Variants in FKBP6 observed in about 807,000 individuals in gnomAD.
The protein encoded by FKBP6 is FKBP prolyl isomerase family member 6 (inactive).
Under a neutral mutation model 41.7 loss-of-function variants are expected in FKBP6, and 29 were observed. The ratio of observed to expected loss-of-function variants is 0.70; its 90% confidence interval spans 0.52 to 0.95. The LOEUF (loss-of-function observed/expected upper bound fraction) is 0.95. Among genes scored for constraint, FKBP6 ranks in the 40% least tolerant of loss-of-function variants. The pLI is 0.00. For missense variants in FKBP6, 338 were observed against 408.7 expected (o/e 0.83, Z 1.49); for synonymous variants, 130 against 165.1 (o/e 0.79, Z 1.63).
At chr7:73,345,222 G>GA (rs1156457847) in intron 8 of FKBP6, among the ~76,000 whole-genome samples, 1,515 of 66,502 alleles carry the variant, frequency 0.023, 13 homozygotes, top group East Asian at 0.058. Flanking sequence ...GCATCAGCCA[G>GA]AAAAAAAAAA....
intron 8 of FKBP6, among the ~76,000 whole-genome samples, chr7:73,350,118 A>C (rs1805449564): frequency 6.6e-6 from 1 of 152,148 alleles, no homozygotes; most frequent in Non-Finnish European, 1.5e-5. Flanking sequence ...CCGGCCACAG[A>C]CCCCTTAATA....
chr7:73,341,555 C>T (rs1805190406), intron 7 of FKBP6, among the ~76,000 whole-genome samples, 173 bp downstream of exon 7: 1 of 151,794 alleles, frequency 6.6e-6, no homozygotes, highest in African/African-American at 2.4e-5. Flanking sequence ...ACCAGCAGTT[C>T]CCAGCAAGCA....
chr7:73,331,127 G>T (rs1554547620), intron 4 of FKBP6, among the ~76,000 whole-genome samples: 1 of 152,184 alleles, frequency 6.6e-6, no homozygotes, highest in Non-Finnish European at 1.5e-5. Flanking sequence ...GGATCTGGGG[G>T]GTGGGGCCGG....
intron 8 of FKBP6, among the ~76,000 whole-genome samples, chr7:73,346,148 T>G (rs1805326749): frequency 6.6e-6 from 1 of 152,064 alleles, no homozygotes; most frequent in Non-Finnish European, 1.5e-5. Flanking sequence ...GCAGACAGAT[T>G]TTGTTGCCTG....
At chr7:73,357,218 AT>A (rs1346243984) in intron 8 of FKBP6, among the ~76,000 whole-genome samples, 2 of 88,330 alleles carry the variant, frequency 2.3e-5, no homozygotes, top group Non-Finnish European at 4.8e-5. Context: ...GCTGAGCTGT[AT>A]TTTTTTCTTA....
chr7:73,353,672 G>A (rs564738361), intron 8 of FKBP6, among the ~76,000 whole-genome samples: 9 of 152,256 alleles, frequency 5.9e-5, no homozygotes, highest in African/African-American at 2.2e-4. Flanking sequence ...TTTTCCAACA[G>A]CATGTGCTGA....
chr7:73,331,352 G>A (rs372298516), intron 4 of FKBP6, among the ~76,000 whole-genome samples: 11 of 152,202 alleles, frequency 7.2e-5, no homozygotes, highest in African/African-American at 1.2e-4. Flanking sequence ...GACTGAAGAC[G>A]TAGACTTCCT....
chr7:73,330,379 A>G, intron 4 of FKBP6, 27 bp downstream of exon 4: 1 of 1,546,156 alleles, frequency 6.5e-7, no homozygotes, highest in Non-Finnish European at 8.9e-7. Flanking sequence ...AGATGTCAGC[A>G]CTTTATAGAG....
intron 8 of FKBP6, among the ~76,000 whole-genome samples, chr7:73,350,927 C>T (rs928216847): frequency 6.6e-6 from 1 of 152,194 alleles, no homozygotes; most frequent in Admixed American, 6.5e-5. Context: ...CGGTATGTGA[C>T]TGGATCTAGG....
At chr7:73,329,197 C>T (rs1263720524) in intron 2 of FKBP6, among the ~76,000 whole-genome samples, 163 bp from the exon 3 acceptor site, 1 of 152,232 alleles carries the variant, frequency 6.6e-6, no homozygotes, top group East Asian at 1.9e-4. Context: ...GCCAAAGGGC[C>T]GGCACCCAAA....
intron 5 of FKBP6, among the ~76,000 whole-genome samples, chr7:73,333,450 T>C (rs1804910562): frequency 6.6e-6 from 1 of 152,196 alleles, no homozygotes; most frequent in Non-Finnish European, 1.5e-5. Flanking sequence ...CAGCTTCCCA[T>C]GAGCTTAGGG....
intron 8 of FKBP6, among the ~76,000 whole-genome samples, chr7:73,347,303 T>C (rs1369479277): frequency 5.3e-5 from 8 of 152,240 alleles, no homozygotes; most frequent in Non-Finnish European, 1.2e-4. Flanking sequence ...AATGTAGATA[T>C]GATCCCCATT....
chr7:73,358,121 G>C (rs1185871327), intron 8 of FKBP6, 60 bp from the exon 9 acceptor site: 1 of 152,060 alleles, frequency 6.6e-6, no homozygotes, highest in Non-Finnish European at 1.5e-5. Flanking sequence ...ACATGTGACT[G>C]TGACGTCGTG....
Position 73,342,851 on chromosome 7 carries a change from G to T in FKBP6, c.938G>T (p.Arg313Leu), listed in dbSNP as rs371387362. The T allele has an allele frequency of 1.2e-6, 2 of 1,613,806 alleles. No homozygotes were observed. The highest frequency in any genetic ancestry group is 2.2e-5 in the South Asian group (2 of 91,090). ...GATAAAGAGAAAGAAATGTGGCACC[G>T]CATGTTCGCGCCCTGTGGCGATGGT... ...YVDKEKEMWHRMFAPCGDGST... is the reference protein window; with the variant it reads ...YVDKEKEMWHLMFAPCGDGST... Residue 313 changes from arginine (R) to leucine (L), a missense_variant, in exon 8 of 9, where the codon CGC (arginine) becomes CTC (leucine). Physicochemically the swap from Arg to Leu is moderately radical, Grantham distance 102. This residue lies in a region of FKBP6 where 239 missense variants were observed against 250.1 expected (regional missense o/e 0.96). Transcript: ENST00000252037.
intron 5 of FKBP6, among the ~76,000 whole-genome samples, chr7:73,335,484 T>C (rs1306192016): frequency 6.6e-6 from 1 of 152,202 alleles, no homozygotes; most frequent in Non-Finnish European, 1.5e-5. Context: ...TTCCTTTTCA[T>C]AGCCGCGTTA....
chr7:73,356,330 C>G (rs1374373374), intron 8 of FKBP6, among the ~76,000 whole-genome samples: 1 of 152,168 alleles, frequency 6.6e-6, no homozygotes, highest in Non-Finnish European at 1.5e-5. Context: ...GAGCTATCCT[C>G]ACGCCTGACT....
intron 8 of FKBP6, among the ~76,000 whole-genome samples, chr7:73,357,552 G>A (rs1202716060): frequency 1.3e-5 from 2 of 148,348 alleles, no homozygotes; most frequent in Non-Finnish European, 3.0e-5. Context: ...GAGCCAATGC[G>A]CCTGGCACCA....
chr7:73,335,124 G>A (rs949374205), intron 5 of FKBP6, among the ~76,000 whole-genome samples: 10 of 131,164 alleles, frequency 7.6e-5, no homozygotes, highest in African/African-American at 2.6e-4. Context: ...GGTTGTACGT[G>A]TTCCTGGCCA....
intron 8 of FKBP6, among the ~76,000 whole-genome samples, chr7:73,354,332 G>C (rs1397682984): frequency 6.6e-6 from 1 of 152,216 alleles, no homozygotes; most frequent in South Asian, 2.1e-4. Flanking sequence ...GGTGGAGCAC[G>C]AGGGTGGCTG....
Sources: allele counts gnomAD v4.1 joint callset (sites outside exome capture counted in the v4.1 genomes callset), GRCh38; gene constraint gnomAD v4.1.1; regional missense constraint gnomAD v4.1.1; transcripts MANE v1.5; gene names NCBI Gene and HGNC (gene_info 2026-07-23, HGNC 2026-07-21).